Variants in MATCAP1 observed in about 807,000 individuals in gnomAD.
MATCAP1 encodes microtubule associated tyrosine carboxypeptidase 1, also known as microtubule-associated tyrosine carboxypeptidase 1.
chr16:67,177,664 C>T, the MATCAP1 span, among the ~76,000 whole-genome samples: 1 of 152,218 alleles, frequency 6.6e-6, no homozygotes, highest in Admixed American at 6.5e-5. Context: ...CTCCCCGTTG[C>T]TTCAGATGAA....
the MATCAP1 span, chr16:67,177,047 G>A: frequency 7.3e-7 from 1 of 1,362,270 alleles, no homozygotes; most frequent in Non-Finnish European, 9.8e-7. Context: ...CCAGCCCACT[G>A]CTTACAGCTC....
the MATCAP1 span, chr16:67,176,898 G>A: frequency 1.2e-6 from 2 of 1,610,126 alleles, no homozygotes; most frequent in East Asian, 4.5e-5. The surrounding 1 kb of genome is among the most constrained non-coding windows in gnomAD (Gnocchi z 4.3). Context: ...AGCGTGCCAA[G>A]TCCTGCATGA....
the MATCAP1 span, among the ~76,000 whole-genome samples, chr16:67,183,076 A>T: frequency 1.3e-5 from 2 of 151,694 alleles, no homozygotes; most frequent in African/African-American, 4.9e-5. Flanking sequence ...TTGCTTCCCT[A>T]TCTAGACTTC....
At chr16:67,179,346 T>C in the MATCAP1 span, 1 of 1,505,862 alleles carries the variant, frequency 6.6e-7, no homozygotes, top group Non-Finnish European at 8.9e-7. This position sits in a 1 kb window ranked among gnomAD's most constrained non-coding sequence, Gnocchi z 5.2. Context: ...AAAAGGGGAG[T>C]TATTGGGGCC....
At chr16:67,178,280 C>T in the MATCAP1 span, 2 of 1,574,486 alleles carry the variant, frequency 1.3e-6, no homozygotes, top group Non-Finnish European at 1.7e-6. Context: ...ACGTAGCGCT[C>T]CAGGTCCTGG....
At chr16:67,182,249 C>CAA in the MATCAP1 span, among the ~76,000 whole-genome samples, 47 of 46,004 alleles carry the variant, frequency 1.0e-3, no homozygotes, top group East Asian at 1.9e-3. Context: ...AACTCCATCT[C>CAA]AAAAAAAAAA....
the MATCAP1 span, chr16:67,179,292 C>G: frequency 1.3e-6 from 2 of 1,493,296 alleles, no homozygotes; most frequent in African/African-American, 1.4e-5. The surrounding 1 kb of genome is among the most constrained non-coding windows in gnomAD (Gnocchi z 5.2). Context: ...GGTGGCTGCT[C>G]AGGAAGGGAA....
chr16:67,179,424 C>T, the MATCAP1 span: 2 of 1,605,836 alleles, frequency 1.2e-6, no homozygotes, highest in Non-Finnish European at 1.7e-6. This position sits in a 1 kb window ranked among gnomAD's most constrained non-coding sequence, Gnocchi z 5.2. Context: ...ATACCCACAC[C>T]CTGACCTATC....
At chr16:67,181,306 TTTCAATG>T in the MATCAP1 span, among the ~76,000 whole-genome samples, 4 of 152,174 alleles carry the variant, frequency 2.6e-5, no homozygotes, top group Admixed American at 2.6e-4. Flanking sequence ...CCTCAGTCAG[TTTCAATG>T]TTTGAGGGCC....
chr16:67,178,568 G>A, the MATCAP1 span: 4 of 1,389,412 alleles, frequency 2.9e-6, no homozygotes, highest in Admixed American at 2.0e-5. Context: ...TGCGAGCCCA[G>A]CCCTGGCCCT....
At chr16:67,179,603 GGCCAGGGTGCAGGTGGA>G in the MATCAP1 span, 2 of 1,587,618 alleles carry the variant, frequency 1.3e-6, no homozygotes, top group Non-Finnish European at 1.7e-6. The surrounding 1 kb of genome is among the most constrained non-coding windows in gnomAD (Gnocchi z 5.2). Flanking sequence ...ACCAGCCTGG[GGCCAGGGTGCAGGTGGA>G]CCCAATGATG....
chr16:67,181,712 C>T, the MATCAP1 span: 2 of 152,316 alleles, frequency 1.3e-5, no homozygotes, highest in African/African-American at 4.8e-5. Context: ...AAAAACAAAA[C>T]AAAACCCTCA....
the MATCAP1 span, chr16:67,179,648 C>T: frequency 1.3e-6 from 2 of 1,490,270 alleles, no homozygotes; most frequent in Non-Finnish European, 9.3e-7. This position sits in a 1 kb window ranked among gnomAD's most constrained non-coding sequence, Gnocchi z 5.2. Context: ...GCAGCGAGGC[C>T]AGACAATTGG....
At chr16:67,181,118 G>A in the MATCAP1 span, among the ~76,000 whole-genome samples, 8 of 152,234 alleles carry the variant, frequency 5.3e-5, no homozygotes, top group Non-Finnish European at 1.0e-4. Flanking sequence ...CCCCTTACTC[G>A]TGATTCTAAT....
chr16:67,182,941 C>T, the MATCAP1 span, among the ~76,000 whole-genome samples: 1 of 152,174 alleles, frequency 6.6e-6, no homozygotes, highest in Non-Finnish European at 1.5e-5. Context: ...TCTGTTTTAT[C>T]TTTTCCAACA....
chr16:67,178,413 G>A, the MATCAP1 span: 1 of 1,542,398 alleles, frequency 6.5e-7, no homozygotes, highest in Non-Finnish European at 8.7e-7. Flanking sequence ...CCTCCTCCGT[G>A]GGGTTCGCCG....
chr16:67,176,892 T>C, the MATCAP1 span: 1 of 1,610,064 alleles, frequency 6.2e-7, no homozygotes, highest in Non-Finnish European at 8.5e-7. The surrounding 1 kb of genome is among the most constrained non-coding windows in gnomAD (Gnocchi z 4.3). Flanking sequence ...GCCGGTAGCG[T>C]GCCAAGTCCT....
the MATCAP1 span, among the ~76,000 whole-genome samples, chr16:67,182,934 G>C: frequency 3.3e-5 from 5 of 152,174 alleles, no homozygotes; most frequent in African/African-American, 1.2e-4. Flanking sequence ...ATAGTTATCT[G>C]TTTTATCTTT....
At chr16:67,176,828 G>A in the MATCAP1 span, 31 of 1,596,478 alleles carry the variant, frequency 1.9e-5, no homozygotes, top group Admixed American at 3.6e-4. This position sits in a 1 kb window ranked among gnomAD's most constrained non-coding sequence, Gnocchi z 4.3. Flanking sequence ...GGTAGCAGGC[G>A]ACCCAGCTCC....
Sources: gnomAD v4.1 joint callset for allele counts (sites outside exome capture counted in the v4.1 genomes callset) on GRCh38, gnomAD v4.1.1 for gene constraint, Gnocchi (gnomAD v3.1) non-coding constraint, MANE v1.5 for transcripts, NCBI Gene and HGNC (gene_info 2026-07-23, HGNC 2026-07-21) for gene names.